Variants in SLC39A10 observed in about 807,000 individuals in gnomAD.
SLC39A10 encodes the protein solute carrier family 39 member 10.
Under a neutral mutation model 65.1 loss-of-function variants are expected in SLC39A10, and 13 were observed. The ratio of observed to expected loss-of-function variants is 0.20; its 90% CI spans 0.13 to 0.32. The LOEUF (loss-of-function observed/expected upper bound fraction) is 0.32, where lower values mean the gene tolerates loss of function less well. SLC39A10 is among the 10% of genes least tolerant of loss of function. The pLI, the probability that SLC39A10 is intolerant of heterozygous loss-of-function variation, is 1.00. For synonymous variants in SLC39A10, 321 were observed against 342.2 expected (o/e 0.94, Z 0.68); for missense variants, 831 against 1,018.4 (o/e 0.82, Z 2.50).
chr2:195,667,001 G>C (rs996330634), intron 1 of SLC39A10, among the ~76,000 whole-genome samples: 14 of 152,162 alleles, frequency 9.2e-5, no homozygotes, highest in Non-Finnish European at 1.8e-4. Flanking sequence ...AGAAAATGTA[G>C]GTTTGTACAT....
At chr2:195,711,836 T>A (rs1025572338) in intron 5 of SLC39A10, among the ~76,000 whole-genome samples, 2 of 152,228 alleles carry the variant, frequency 1.3e-5, no homozygotes, top group African/African-American at 4.8e-5. Flanking sequence ...TCCTTCTCAT[T>A]GACTTTTGTA....
At chr2:195,696,478 T>C (rs1690966113) in intron 3 of SLC39A10, among the ~76,000 whole-genome samples, 1 of 152,042 alleles carries the variant, frequency 6.6e-6, no homozygotes, top group African/African-American at 2.4e-5. Context: ...CAAAAATATT[T>C]GGGGAAAATA....
intron 1 of SLC39A10, among the ~76,000 whole-genome samples, 191 bp from the exon 2 acceptor site, chr2:195,679,841 C>T (rs770855277): frequency 2.6e-5 from 4 of 152,148 alleles, no homozygotes; most frequent in Non-Finnish European, 2.9e-5. Flanking sequence ...TTCTTTAAGG[C>T]ATGCTGCATA....
At position 195,716,707 on chromosome 2, in the gene SLC39A10, A is replaced by T. The variant is rs776333843; in HGVS notation, c.1767A>T (p.Gln589His). The change falls in exon 7 of 10, where the codon CAA becomes CAT. Residue 589 changes from glutamine (Q) to histidine (H), a missense_variant. By Grantham distance (24) the Gln-to-His change is conservative. Coordinates refer to ENST00000359634, the MANE Select transcript of SLC39A10 (RefSeq NM_020342.3). ...AACTGACAGATTTAGAAGGCCAACA[A>T]GAATCCCCTCCTAAAAATTACCTTT... ...ETELTDLEGQQESPPKNYLCI... is the reference protein window; with the variant it reads ...ETELTDLEGQHESPPKNYLCI... The T allele has an allele frequency of 5.6e-6, 9 of 1,614,028 alleles. No homozygotes were observed. In the East Asian group the frequency reaches 1.8e-4, roughly 32 times the overall value.
At chr2:195,632,515 T>TCTCAAACTC (rs1262215664) in intron 2 of SLC39A10, among the ~76,000 whole-genome samples, 1 of 151,848 alleles carries the variant, frequency 6.6e-6, no homozygotes, top group Non-Finnish European at 1.5e-5. Context: ...GCCAGGCTGG[T>TCTCAAACTC]CTCAAACTCC....
intron 2 of SLC39A10, among the ~76,000 whole-genome samples, chr2:195,625,064 A>C (rs1688438408): frequency 7.0e-6 from 1 of 143,694 alleles, no homozygotes; most frequent in Non-Finnish European, 1.5e-5. Context: ...TAAAAATACA[A>C]AAATTACCCG....
intron 1 of SLC39A10, 153 bp downstream of exon 1, chr2:195,657,434 G>T (rs1024151366): frequency 1.1e-5 from 11 of 985,902 alleles, no homozygotes; most frequent in Middle Eastern, 5.1e-4. Flanking sequence ...GGGCGCTGGG[G>T]TTCCCGCAGC....
At position 195,728,422 on chromosome 2, in the gene SLC39A10, A is replaced by G; in HGVS notation, c.2337+73A>G. The G allele has an allele frequency of 7.2e-7, 1 of 1,389,434 alleles. No homozygotes were observed. The highest frequency in any genetic ancestry group is 2.1e-5 in the Admixed American group (1 of 48,730). 86.1% of individuals were successfully genotyped at this position (1,389,434 alleles called of 1,614,324 possible). ...AAATCCTTGGAAGTGGTTTGAAGCC[A>G]AACTATTTTTGAAAATATAACTCAT... is the stretch of plus-strand genomic sequence containing the variant. On this transcript the variant is annotated intron_variant, in intron 9 of 9. Transcript: ENST00000359634. This position sits in a 1 kb window ranked among gnomAD's most constrained non-coding sequence, Gnocchi z 4.4.
chr2:195,656,183 T>A (rs1314016241), upstream of SLC39A10, among the ~76,000 whole-genome samples: 1 of 152,140 alleles, frequency 6.6e-6, no homozygotes, highest in Non-Finnish European at 1.5e-5. Context: ...TCTGGTTGGA[T>A]ATAGAAACAC....
chr2:195,699,196 T>A (rs1691087261), intron 3 of SLC39A10, among the ~76,000 whole-genome samples: 1 of 152,020 alleles, frequency 6.6e-6, no homozygotes, highest in East Asian at 1.9e-4. Context: ...TTTTTCTTAG[T>A]CAGTCTAGCT....
chr2:195,733,598 T>G (rs1692493255), intron 9 of SLC39A10, among the ~76,000 whole-genome samples: 1 of 152,144 alleles, frequency 6.6e-6, no homozygotes. Context: ...TGGCGCAATC[T>G]TGGCTCACCG....
intron 5 of SLC39A10, among the ~76,000 whole-genome samples, chr2:195,711,369 A>G (rs1447991441): frequency 6.6e-6 from 1 of 152,200 alleles, no homozygotes; most frequent in Non-Finnish European, 1.5e-5. Flanking sequence ...TGATACAAGA[A>G]TGGAGTCACC....
chr2:195,614,154 A>G (rs1357310313), intron 2 of SLC39A10, among the ~76,000 whole-genome samples: 1 of 152,196 alleles, frequency 6.6e-6, no homozygotes, highest in Non-Finnish European at 1.5e-5. Flanking sequence ...GGGAATAAAG[A>G]TAAAGGCCAT....
chr2:195,724,026 TAA>T (rs1424546661), intron 8 of SLC39A10, among the ~76,000 whole-genome samples: 1 of 116,796 alleles, frequency 8.6e-6, no homozygotes, highest in East Asian at 2.2e-4. Context: ...AAATTTAAAA[TAA>T]GATTTTCATA....
upstream of SLC39A10, among the ~76,000 whole-genome samples, chr2:195,652,791 A>G (rs900695394): frequency 1.3e-5 from 2 of 152,140 alleles, no homozygotes; most frequent in Admixed American, 6.5e-5. Context: ...GTTCGGGTGC[A>G]TGGCCTGTTA....
chr2:195,718,395 G>T, intron 8 of SLC39A10, 63 bp downstream of exon 8: 1 of 1,256,940 alleles, frequency 8.0e-7, no homozygotes, highest in Non-Finnish European at 1.1e-6. Flanking sequence ...AATTGTAATT[G>T]CATTCAAATT....
At chr2:195,655,014 C>G (rs1281544690), upstream of SLC39A10, among the ~76,000 whole-genome samples, 1 of 152,204 alleles carries the variant, frequency 6.6e-6, no homozygotes, top group Non-Finnish European at 1.5e-5. Flanking sequence ...GACACAGTCT[C>G]TATTTTCAAG....
At chr2:195,624,316 G>A (rs1280554583) in intron 2 of SLC39A10, among the ~76,000 whole-genome samples, 2 of 150,490 alleles carry the variant, frequency 1.3e-5, no homozygotes, top group African/African-American at 2.5e-5. Context: ...GAACCTGGGA[G>A]GCAGAGGTTA....
chr2:195,691,084 T>C (rs1690723979), intron 3 of SLC39A10, among the ~76,000 whole-genome samples: 1 of 152,206 alleles, frequency 6.6e-6, no homozygotes, highest in Admixed American at 6.5e-5. Context: ...CTCCCAATTA[T>C]AAGTGAGAAC....
Sources: allele counts gnomAD v4.1 joint callset (sites outside exome capture counted in the v4.1 genomes callset), GRCh38; gene constraint gnomAD v4.1.1; non-coding constraint Gnocchi (gnomAD v3.1); transcripts MANE v1.5; gene names NCBI Gene and HGNC (gene_info 2026-07-23, HGNC 2026-07-21).